The following SPTBN4 variants were observed in gnomAD, a reference collection of about 807,000 sequenced individuals.
SPTBN4 encodes spectrin beta chain, non-erythrocytic 4.
SPTBN4 carries 96 observed loss-of-function variants against 277.8 expected under a neutral mutation model. The observed-to-expected ratio is 0.35, with a 90% CI of 0.29 to 0.41. The LOEUF is 0.41. SPTBN4 is among the 10% of genes least tolerant of loss of function. SPTBN4 has a pLI of 1.00. For synonymous variants in SPTBN4, 1,481 were observed against 1,580.3 expected, an observed-to-expected ratio of 0.94 and a Z score of 1.49; for missense variants, 3,006 against 3,595.7, an observed-to-expected ratio of 0.84 and a Z score of 4.19.
chr19:40,504,625 C>G (rs532123322), intron 12 of SPTBN4, among the ~76,000 whole-genome samples: 1 of 151,368 alleles, frequency 6.6e-6, no homozygotes, highest in African/African-American at 2.4e-5. Context: ...GCCGAGATCC[C>G]GCCACTGCAC....
chr19:40,497,512 A>G lies in SPTBN4; in HGVS notation c.692A>G (p.Lys231Arg), dbSNP rs1347937875. ...RHRPDLVDFS[K>R]LTKSNANYNL... The stretch of plus-strand genomic sequence containing the variant: ...AGGCCTGATCTCGTGGACTTCAGCA[A>G]ACTCACCAAGTCCAATGCCAACTAC... Residue 231 changes from lysine to arginine, a missense_variant, in exon 7 of 36, where the codon AAA becomes AGA. By Grantham distance (26) the Lys-to-Arg change is conservative. Transcript: ENST00000598249. 4 of 1,614,036 alleles carry G rather than the reference A, an allele frequency of 2.5e-6. No individual in the cohort carries two copies. The highest frequency in any genetic ancestry group is 3.4e-6 in the Non-Finnish European group (4 of 1,179,972).
chr19:40,522,648 G>C (rs987332208), intron 16 of SPTBN4, among the ~76,000 whole-genome samples: 4 of 151,740 alleles, frequency 2.6e-5, no homozygotes, highest in Admixed American at 2.6e-4. Context: ...CACCATGTCC[G>C]GCCTAATATT....
Position 40,560,656 on chromosome 19 carries a change from A to T in SPTBN4, c.5915+253A>T. On this transcript the variant is annotated intron_variant, in intron 27 of 35. Transcript: ENST00000598249. The surrounding 1 kb of genome is among the most constrained non-coding windows in gnomAD (Gnocchi z 5.2). ...CCAGTTGCCTATTATTACCCTCTCC[A>T]TGGGATGTCACAGCATGAAACAGGC... is the stretch of plus-strand genomic sequence containing the variant. 3 of 1,424,524 alleles carry T rather than the reference A, an allele frequency of 2.1e-6. No individual in the cohort carries two copies. Among genetic ancestry groups the T allele is most frequent in the East Asian group, 2.6e-5 (1 of 39,168 alleles). The allele number at this position is 1,424,524 out of a possible 1,614,324, so 88.2% of individuals were successfully genotyped here.
intron 1 of SPTBN4, among the ~76,000 whole-genome samples, chr19:40,471,210 G>T (rs983458162): frequency 1.3e-5 from 2 of 152,094 alleles, no homozygotes; most frequent in South Asian, 4.1e-4. Context: ...GCCCCAAAAA[G>T]TGCTGGGATT....
At chr19:40,480,809 T>C (rs1345010876) in intron 2 of SPTBN4, among the ~76,000 whole-genome samples, 1 of 152,166 alleles carries the variant, frequency 6.6e-6, no homozygotes, top group Non-Finnish European at 1.5e-5. Flanking sequence ...ATGCCTGTAA[T>C]CCCAGCACTT....
chr19:40,532,680 A>T lies in SPTBN4; in HGVS notation c.4004A>T (p.Asp1335Val). 6.2e-7 allele frequency: 1 copy of T among 1,613,422 alleles called. No individual in the cohort carries two copies. The highest frequency in any genetic ancestry group is 8.5e-7 in the Non-Finnish European group (1 of 1,179,646). Reference sequence around the variant, plus strand: ...ATGGCGCGGGATGGCACGCGGGAGGACAACCACAAGCTGCATAAGAGATGG... The same window carrying T: ...ATGGCGCGGGATGGCACGCGGGAGGTCAACCACAAGCTGCATAAGAGATGG... ...MLMARDGTRE[D>V]NHKLHKRWLR... The change falls in exon 19 of 36, where the codon GAC becomes GTC. Residue 1335 changes from aspartate to valine, a missense_variant. This residue lies in a region of SPTBN4 where 1,759 missense variants were observed against 2,061.5 expected (regional missense o/e 0.85). Transcript: ENST00000598249.
intron 4 of SPTBN4, among the ~76,000 whole-genome samples, chr19:40,492,258 G>A (rs970980658): frequency 6.6e-6 from 1 of 152,006 alleles, no homozygotes; most frequent in African/African-American, 2.4e-5. Flanking sequence ...CTGGCCTGGG[G>A]ACTAGAGGAT....
intron 24 of SPTBN4, chr19:40,555,097 T>C (rs1181259031): frequency 5.8e-6 from 1 of 171,390 alleles, no homozygotes; most frequent in Non-Finnish European, 1.2e-5. Flanking sequence ...GGATGGAATC[T>C]GTAAGGAGGT....
chr19:40,492,042 A>C (rs541611834), intron 4 of SPTBN4, among the ~76,000 whole-genome samples: 147 of 85,498 alleles, frequency 1.7e-3, no homozygotes, highest in African/African-American at 0.011. Context: ...AAAACAAAAC[A>C]AAAAAAAAAA....
intron 32 of SPTBN4, 31 bp from the exon 33 acceptor site, chr19:40,570,405 C>G: frequency 2.6e-6 from 4 of 1,530,656 alleles, no homozygotes; most frequent in Non-Finnish European, 3.5e-6. Flanking sequence ...TCTCCATGGA[C>G]AGCACCCCTC....
chr19:40,485,678 G>A (rs1197027323), intron 2 of SPTBN4, among the ~76,000 whole-genome samples: 1 of 151,692 alleles, frequency 6.6e-6, no homozygotes, highest in East Asian at 1.9e-4. Context: ...TGGGCATGGT[G>A]GCATGTGCCT....
intron 3 of SPTBN4, among the ~76,000 whole-genome samples, chr19:40,489,155 G>A (rs1293831091): frequency 6.9e-6 from 1 of 145,470 alleles, no homozygotes; most frequent in Non-Finnish European, 1.5e-5. Context: ...TCAAGATCGC[G>A]CGACTGCACT....
chr19:40,512,608 T>A lies in SPTBN4; in HGVS notation c.1819T>A (p.Tyr607Asn). The A allele has an allele frequency of 6.5e-7, 1 of 1,532,276 alleles. No homozygotes were observed. Among genetic ancestry groups the A allele is most frequent in the African/African-American group, 1.4e-5 (1 of 71,216 alleles). The allele number at this position is 1,532,276 out of a possible 1,614,324, so 94.9% of individuals were successfully genotyped here. The change falls in exon 14 of 36, where the codon TAC becomes AAC. Residue 607 changes from tyrosine to asparagine, a missense_variant and splice_region_variant. Transcript: ENST00000598249. ...ATGCTCCCCTTCTCCTGGCTCAGGC[T>A]ACCAGCCCTGCGACCCGCAGGTCAT... ...AALRFSQLQG[Y>N]QPCDPQVICN...
At chr19:40,486,732 C>T (rs1428969261) in intron 2 of SPTBN4, among the ~76,000 whole-genome samples, 2 of 151,664 alleles carry the variant, frequency 1.3e-5, no homozygotes, top group Admixed American at 6.6e-5. Context: ...CGCAATGGCT[C>T]ATGCCTGTAA....
At chr19:40,570,339 G>GT in intron 32 of SPTBN4, 97 bp from the exon 33 acceptor site, 1 of 733,802 alleles carries the variant, frequency 1.4e-6, no homozygotes, top group Non-Finnish European at 2.0e-6. Context: ...AAATGGCCCT[G>GT]TAGACAGATG....
intron 2 of SPTBN4, among the ~76,000 whole-genome samples, chr19:40,480,589 A>G (rs1355280931): frequency 6.6e-6 from 1 of 152,118 alleles, no homozygotes; most frequent in East Asian, 1.9e-4. Flanking sequence ...GTGTTGTTTT[A>G]TGTCCGGCAT....
chr19:40,471,212 G>A (rs1227668515), intron 1 of SPTBN4, among the ~76,000 whole-genome samples: 1 of 152,130 alleles, frequency 6.6e-6, no homozygotes, highest in Non-Finnish European at 1.5e-5. Flanking sequence ...CCCAAAAAGT[G>A]CTGGGATTAC....
chr19:40,482,231 C>T (rs188611389), intron 2 of SPTBN4, among the ~76,000 whole-genome samples: 4 of 152,300 alleles, frequency 2.6e-5, no homozygotes, highest in African/African-American at 4.8e-5. Context: ...GCCACCATGC[C>T]TGGCCTGATT....
Position 40,493,061 on chromosome 19 carries a change from AC to A in SPTBN4, c.587+12del. 1 of 1,613,670 alleles carries A rather than the reference AC, an allele frequency of 6.2e-7. No homozygotes were observed. The highest frequency in any genetic ancestry group is 8.5e-7 in the Non-Finnish European group (1 of 1,179,794). On this transcript the variant is annotated splice_region_variant and intron_variant, in intron 5 of 35. Transcript: ENST00000598249. Reference sequence around the variant, plus strand: ...GTCAGATGAAGACAGCTGGGTAAGCACCCCCACCACCTTCCTTAGGAGGTTA... The same window carrying A: ...GTCAGATGAAGACAGCTGGGTAAGCACCCCACCACCTTCCTTAGGAGGTTA...
Sources: gnomAD v4.1 joint callset for allele counts (sites outside exome capture counted in the v4.1 genomes callset) on GRCh38, gnomAD v4.1.1 for gene constraint, gnomAD v4.1.1 regional missense constraint, Gnocchi (gnomAD v3.1) non-coding constraint, MANE v1.5 for transcripts, NCBI Gene and HGNC (gene_info 2026-07-23, HGNC 2026-07-21) for gene names.